The following IL1RAPL1 variants were observed in gnomAD, a reference collection of about 807,000 sequenced individuals.
IL1RAPL1 encodes the protein interleukin 1 receptor accessory protein like 1, also known as interleukin-1 receptor accessory protein-like 1.
IL1RAPL1 carries 3 observed loss-of-function variants against 48.4 expected under a neutral mutation model. The ratio of observed to expected loss-of-function variants is 0.06; its 90% confidence interval spans 0.03 to 0.16. The LOEUF is 0.16. Ranked by LOEUF, IL1RAPL1 falls within the 10% of genes least tolerant of loss-of-function variation. The pLI is 1.00. For missense variants in IL1RAPL1, 349 were observed against 530.6 expected (o/e 0.66, Z 3.36); for synonymous variants, 185 against 187.7 (o/e 0.99, Z 0.12).
intron 5 of IL1RAPL1, among the ~76,000 whole-genome samples, chrX:29,587,886 G>C: frequency 8.9e-6 from 1 of 112,001 alleles, no homozygotes; most frequent in Middle Eastern, 4.6e-3. Flanking sequence ...CCAAATTATA[G>C]CTCCATTTTC....
chrX:29,429,929 T>A (rs865874787), intron 5 of IL1RAPL1, among the ~76,000 whole-genome samples: 8 of 66,108 alleles, frequency 1.2e-4, no homozygotes, highest in African/African-American at 4.2e-4. Context: ...GTGTGTGTAT[T>A]TTTTTTTTTA....
chrX:29,427,035 G>C lies in IL1RAPL1; in HGVS notation c.703+27727G>C, dbSNP rs989823204. On this transcript the variant is annotated intron_variant, in intron 5 of 10. Transcript: ENST00000378993. ...AAAAAGATTTGCATATTATTTCCCTGGTATAAGGAATCTGGATCACCAAAA... is the reference window on the plus strand; with the variant it reads ...AAAAAGATTTGCATATTATTTCCCTCGTATAAGGAATCTGGATCACCAAAA... Among the ~76,000 whole-genome samples, 5 of 109,618 alleles carry C rather than the reference G, an allele frequency of 4.6e-5. No individual in the cohort carries two copies. In the Admixed American group the frequency reaches 4.9e-4, roughly 11 times the overall value.
chrX:28,810,632 A>G (rs909268517), intron 2 of IL1RAPL1, among the ~76,000 whole-genome samples: 12 of 111,094 alleles, frequency 1.1e-4, no homozygotes, highest in African/African-American at 3.9e-4. Context: ...TATTGAATGT[A>G]AAATGCATAT....
At chrX:29,251,925 C>T (rs1931626658) in intron 2 of IL1RAPL1, among the ~76,000 whole-genome samples, 1 of 111,030 alleles carries the variant, frequency 9.0e-6, no homozygotes, top group Non-Finnish European at 1.9e-5. Flanking sequence ...CCATGGAATA[C>T]TATGCAGCCA....
chrX:29,410,543 A>G (rs1934130981), intron 5 of IL1RAPL1, among the ~76,000 whole-genome samples: 1 of 111,398 alleles, frequency 9.0e-6, no homozygotes, highest in Non-Finnish European at 1.9e-5. Context: ...ATAATTCACT[A>G]TTTTATTTCC....
chrX:29,682,000 A>G (rs985465627), intron 6 of IL1RAPL1, among the ~76,000 whole-genome samples: 6 of 111,708 alleles, frequency 5.4e-5, no homozygotes, highest in African/African-American at 2.0e-4. Flanking sequence ...AAATATTCCA[A>G]TTACTCTGAT....
At chrX:29,756,057 G>C (rs760526552) in intron 6 of IL1RAPL1, among the ~76,000 whole-genome samples, 3 of 111,426 alleles carry the variant, frequency 2.7e-5, no homozygotes, top group Non-Finnish European at 5.6e-5. Context: ...CTACCTCATA[G>C]GGCTGTTATA....
intron 6 of IL1RAPL1, among the ~76,000 whole-genome samples, chrX:29,809,402 C>T (rs780052715): frequency 9.1e-6 from 1 of 110,141 alleles, no homozygotes; most frequent in South Asian, 3.9e-4. Context: ...CGTGCCCGGC[C>T]GAGTTTGAAC....
At chrX:28,996,326 T>C (rs1925724489) in intron 2 of IL1RAPL1, among the ~76,000 whole-genome samples, 1 of 112,053 alleles carries the variant, frequency 8.9e-6, no homozygotes, top group Admixed American at 9.5e-5. Context: ...TCGTCCATTA[T>C]ATGGATTTAG....
intron 1 of IL1RAPL1, among the ~76,000 whole-genome samples, chrX:28,780,608 A>T (rs1022168312): frequency 9.0e-6 from 1 of 110,558 alleles, no homozygotes; most frequent in Non-Finnish European, 1.9e-5. Context: ...ATATAATTTG[A>T]TCCTTTAAAA....
intron 6 of IL1RAPL1, among the ~76,000 whole-genome samples, chrX:29,909,958 G>A (rs777249476): frequency 2.3e-3 from 251 of 111,216 alleles, no homozygotes; most frequent in African/African-American, 7.2e-3. Context: ...ACATGCATGC[G>A]TACGTTCATT....
chrX:29,018,212 G>A (rs1926285145), intron 2 of IL1RAPL1, among the ~76,000 whole-genome samples: 1 of 111,815 alleles, frequency 8.9e-6, no homozygotes, highest in South Asian at 3.7e-4. Context: ...TATGTCTTTT[G>A]TTTCATTGCC....
intron 2 of IL1RAPL1, among the ~76,000 whole-genome samples, chrX:28,937,469 G>A (rs931622710): frequency 1.8e-5 from 2 of 111,158 alleles, no homozygotes; most frequent in African/African-American, 6.5e-5. Flanking sequence ...ATCATTAGTA[G>A]TCACACTCCC....
chrX:29,666,749 A>C (rs896893170), intron 5 of IL1RAPL1, among the ~76,000 whole-genome samples: 2 of 110,639 alleles, frequency 1.8e-5, no homozygotes, highest in Non-Finnish European at 1.9e-5. Context: ...TTGAACAGGG[A>C]ACAGTTCTCT....
At chrX:28,833,395 TACAA>T (rs1921120757) in intron 2 of IL1RAPL1, among the ~76,000 whole-genome samples, 1 of 111,907 alleles carries the variant, frequency 8.9e-6, no homozygotes, top group Non-Finnish European at 1.9e-5. Flanking sequence ...TTAAGAAATC[TACAA>T]ACAGCTTTCC....
At chrX:29,698,461 A>G (rs1035050625) in intron 6 of IL1RAPL1, among the ~76,000 whole-genome samples, 16 of 111,240 alleles carry the variant, frequency 1.4e-4, no homozygotes, top group Admixed American at 2.9e-4. Flanking sequence ...CCACAGTCAT[A>G]TATGTAACTC....
At chrX:28,658,296 C>CA (rs1934774014) in intron 1 of IL1RAPL1, among the ~76,000 whole-genome samples, 1 of 111,915 alleles carries the variant, frequency 8.9e-6, no homozygotes, top group East Asian at 2.8e-4. Context: ...CGGCTCACTG[C>CA]AACCTTCGCC....
chrX:28,890,706 T>C (rs1318630203), intron 2 of IL1RAPL1, among the ~76,000 whole-genome samples: 1 of 111,907 alleles, frequency 8.9e-6, no homozygotes, highest in African/African-American at 3.2e-5. Context: ...ATTTTAGTTA[T>C]TTTATAATAA....
intron 2 of IL1RAPL1, among the ~76,000 whole-genome samples, chrX:28,837,189 G>T (rs979917462): frequency 9.0e-6 from 1 of 110,605 alleles, no homozygotes; most frequent in East Asian, 2.9e-4. Context: ...TCATTGTTTT[G>T]CTATTTAATA....
Sources: gnomAD v4.1 joint callset for allele counts (sites outside exome capture counted in the v4.1 genomes callset) on GRCh38, gnomAD v4.1.1 for gene constraint, MANE v1.5 for transcripts, NCBI Gene and HGNC (gene_info 2026-07-23, HGNC 2026-07-21) for gene names.